SIGLEC1: variants seen among roughly 807,000 people sequenced by gnomAD.
The protein encoded by SIGLEC1 is sialic acid binding Ig like lectin 1.
Under a neutral mutation model 148.0 loss-of-function variants are expected in SIGLEC1, and 132 were observed. The observed-to-expected ratio is 0.89, with a 90% CI of 0.77 to 1.03. The LOEUF (loss-of-function observed/expected upper bound fraction) is 1.03, where lower values mean the gene tolerates loss of function less well. Among genes scored for constraint, SIGLEC1 ranks in the 50% least tolerant of loss-of-function variants. The pLI is 0.00. For synonymous variants in SIGLEC1, 945 were observed against 969.0 expected, an observed-to-expected ratio of 0.98 and a Z score of 0.46; for missense variants, 2,253 against 2,271.4, an observed-to-expected ratio of 0.99 and a Z score of 0.16.
chr20:3,696,836 G>A lies in SIGLEC1; in HGVS notation c.2433C>T (p.His811=), dbSNP rs1308121917. The A allele has an allele frequency of 1.3e-6, 2 of 1,593,654 alleles. No homozygotes were observed. The highest frequency in any genetic ancestry group is 2.7e-5 in the African/African-American group (2 of 74,466). The change falls in exon 11 of 22, where the codon CAC becomes CAT. Residue 811 remains histidine (H), a synonymous_variant. Coordinates refer to ENST00000344754, the MANE Select transcript of SIGLEC1 (RefSeq NM_023068.4). ...LSALLDMGQG[H]MALFICTVDS... is the part of the protein sequence containing the mutation. ...CCACAGTGCAGATGAACAGAGCCAT[G>A]TGGCCCTGGCCCATGTCTAGGAGGG...
chr20:3,710,103 C>T lies in SIGLEC1; in HGVS notation c.-110+2367G>A, dbSNP rs762716901. On this transcript the variant is annotated intron_variant, in intron 1 of 21. Transcript: ENST00000344754. The surrounding 1 kb of genome is among the most constrained non-coding windows in gnomAD (Gnocchi z 4.6). ...CCATGTTGCCAACTTTGCAATCCTC[C>T]CTGGTCCTAAATGCTGACTTGGCCA... Among the ~76,000 whole-genome samples, 3 of 152,192 alleles carry T rather than the reference C, an allele frequency of 2.0e-5. No individual in the cohort carries two copies. The highest frequency in any genetic ancestry group is 4.8e-5 in the African/African-American group (2 of 41,438).
Position 3,692,932 on chromosome 20 carries a change from C to G in SIGLEC1, c.3708G>C (p.Glu1236Asp). The change falls in exon 15 of 22, where the codon GAG becomes GAC. Residue 1236 changes from glutamate (E) to aspartate (D), a missense_variant. Transcript: ENST00000344754. ...TGCGGGCAGAGCAGCTGTAGAAACC[C>G]TCATCCCTGGGCTGTGGCCCTCGCA... ...LELRGPQPRD[E>D]GFYSCSARSP... 6.2e-7 allele frequency: 1 copy of G among 1,612,640 alleles called. No homozygotes were observed. Among genetic ancestry groups the G allele is most frequent in the Non-Finnish European group, 8.5e-7 (1 of 1,179,928 alleles).
rs376122199 is a variant in SIGLEC1, at chr20:3,706,503, C to T, written c.253G>A (p.Gly85Ser). 31 of 1,613,552 alleles carry T rather than the reference C, an allele frequency of 1.9e-5. No individual in the cohort carries two copies. The highest frequency in any genetic ancestry group is 5.0e-5 in the Admixed American group (3 of 60,026). ...DPKLVEARFR[G>S]RTEFMGNPEH... ...GGGTTCCCCATGAACTCGGTGCGGC[C>T]GCGGAAGCGGGCCTCCACCAGCTTG... is the stretch of plus-strand genomic sequence containing the variant. Residue 85 changes from glycine to serine, a missense_variant, in exon 3 of 22, where the codon GGC becomes AGC. By Grantham distance (56) the Gly-to-Ser change is moderately conservative. Transcript: ENST00000344754.
Position 3,703,427 on chromosome 20 carries a change from G to A in SIGLEC1, c.998C>T (p.Ala333Val). Residue 333 changes from alanine (A) to valine (V), a missense_variant, in exon 6 of 22, where the codon GCA (alanine) becomes GTA (valine). Coordinates refer to ENST00000344754, the MANE Select transcript of SIGLEC1 (RefSeq NM_023068.4). The stretch of plus-strand genomic sequence containing the variant: ...TGTCTGGTTCTCCAGGATGGGACCT[G>A]CTGGGCTCACCTGGACCTCAGCCAC... ...IFMAEVQVSP[A>V]GPILENQTVT... The A allele has an allele frequency of 6.3e-7, 1 of 1,582,992 alleles. No homozygotes were observed. Among genetic ancestry groups the A allele is most frequent in the African/African-American group, 1.3e-5 (1 of 74,744 alleles).
Position 3,688,218 on chromosome 20 carries a change from A to G in SIGLEC1, c.*342T>C. The G allele has an allele frequency of 2.8e-6, 1 of 360,260 alleles. No homozygotes were observed. Among genetic ancestry groups the G allele is most frequent in the South Asian group, 2.3e-5 (1 of 43,650 alleles). The allele number at this position is 360,260 out of a possible 1,614,324, so 22.3% of individuals were successfully genotyped here. A position where few individuals can be genotyped will look rare whatever the true frequency, so the allele number is the denominator to read the frequency against. ...GCCTCTGAGGATGCAGGATGCTGCA[A>G]TCCAACCAAAGTCCAGGGTGACTTT... On this transcript the variant is annotated 3_prime_UTR_variant, in exon 22 of 22. Coordinates refer to ENST00000344754, the MANE Select transcript of SIGLEC1 (RefSeq NM_023068.4).
Position 3,696,795 on chromosome 20 carries a change from G to T in SIGLEC1, c.2474C>A (p.Ala825Asp), listed in dbSNP as rs201617926. ...CTCCCCATGGAACAAGGCCAGCAAGGCCAGGGGGCGGCTGTCCACAGTGCA... is the reference window on the plus strand; with the variant it reads ...CTCCCCATGGAACAAGGCCAGCAAGTCCAGGGGGCGGCTGTCCACAGTGCA... ...FICTVDSRPL[A>D]LLALFHGEHL... Residue 825 changes from alanine to aspartate, a missense_variant, in exon 11 of 22, where the codon GCC (alanine) becomes GAC (aspartate). By Grantham distance (126) the Ala-to-Asp change is moderately radical. Transcript: ENST00000344754. 3.8e-5 allele frequency: 61 copies of T among 1,612,126 alleles called. No homozygotes were observed. The highest frequency in any genetic ancestry group is 5.1e-5 in the Non-Finnish European group (60 of 1,179,346).
At chr20:3,706,201 C>A (rs2087892531) in intron 3 of SIGLEC1, 146 bp downstream of exon 3, 2 of 1,328,124 alleles carry the variant, frequency 1.5e-6, no homozygotes, top group Non-Finnish European at 2.0e-6. Flanking sequence ...AAGGGAGAAC[C>A]AGGCCTGGGC....
At position 3,690,270 on chromosome 20, in the gene SIGLEC1, G is replaced by A. The variant is rs1600278649; in HGVS notation, c.4592-6C>T. 3.9e-6 allele frequency: 6 copies of A among 1,534,282 alleles called. No homozygotes were observed. Among genetic ancestry groups the A allele is most frequent in the Non-Finnish European group, 5.3e-6 (6 of 1,138,482 alleles). Reference sequence around the variant, plus strand: ...GGTGGGCGTCTTGGGAGGGTCTGTGGGGAGGAAGGGAGTGTGGTGATTGCA... The same window carrying A: ...GGTGGGCGTCTTGGGAGGGTCTGTGAGGAGGAAGGGAGTGTGGTGATTGCA... On this transcript the variant is annotated splice_region_variant and splice_polypyrimidine_tract_variant and intron_variant, in intron 18 of 21. Coordinates refer to ENST00000344754, the MANE Select transcript of SIGLEC1 (RefSeq NM_023068.4).
chr20:3,693,027 G>A lies in SIGLEC1; in HGVS notation c.3613C>T (p.Leu1205Phe), dbSNP rs1189542754. ...VDSRPPAQLA[L>F]SHAGRLLASS... Reference sequence around the variant, plus strand: ...GCCAAGAGGCGACCGGCGTGGCTGAGGGCCAGCTGGGCGGGCGGGCGGCTG... The same window carrying A: ...GCCAAGAGGCGACCGGCGTGGCTGAAGGCCAGCTGGGCGGGCGGGCGGCTG... The change falls in exon 15 of 22, where the codon CTC becomes TTC. Residue 1205 changes from leucine to phenylalanine, a missense_variant. By Grantham distance (22) the Leu-to-Phe change is conservative. Transcript: ENST00000344754. 3 of 1,611,318 alleles carry A rather than the reference G, an allele frequency of 1.9e-6. No homozygotes were observed. The highest frequency in any genetic ancestry group is 1.7e-5 in the Admixed American group (1 of 59,972).
chr20:3,712,193 AGGGGCT>A (rs1316063434), intron 1 of SIGLEC1, among the ~76,000 whole-genome samples: 3 of 129,974 alleles, frequency 2.3e-5, no homozygotes, highest in Non-Finnish European at 4.8e-5. Flanking sequence ...AGGTTGGAAT[AGGGGCT>A]GGGGCTGGGG....
At position 3,688,456 on chromosome 20, in the gene SIGLEC1, C is replaced by T. The variant is rs545768127; in HGVS notation, c.*104G>A. On this transcript the variant is annotated 3_prime_UTR_variant, in exon 22 of 22. Coordinates refer to ENST00000344754, the MANE Select transcript of SIGLEC1 (RefSeq NM_023068.4). ...AAGTCAGATGTCACAGAGCTGTTTT[C>T]GTAGAGGCGGGCAGGACTCAACACT... 155 of 994,294 alleles carry T rather than the reference C, an allele frequency of 1.6e-4. No homozygotes were observed. In the African/African-American group the frequency reaches 2.0e-3, roughly 13 times the overall value. 61.6% of individuals were successfully genotyped at this position (994,294 alleles called of 1,614,324 possible). A position where few individuals can be genotyped will look rare whatever the true frequency, so the allele number is the denominator to read the frequency against.
intron 1 of SIGLEC1, among the ~76,000 whole-genome samples, chr20:3,711,941 G>C (rs1268512312): frequency 6.6e-6 from 1 of 150,520 alleles, no homozygotes; most frequent in South Asian, 2.1e-4. Flanking sequence ...TGATGATCAG[G>C]TTGGAATTCT....
At chr20:3,688,748 C>A (rs1306195820) in intron 21 of SIGLEC1, 129 bp from the exon 22 acceptor site, 4 of 676,704 alleles carry the variant, frequency 5.9e-6, no homozygotes, top group Non-Finnish European at 1.0e-5. Context: ...TGACTTGGAG[C>A]CCTGGCCTAC....
At chr20:3,689,786 C>T (rs1160473782) in intron 19 of SIGLEC1, 84 bp from the exon 20 acceptor site, 2 of 1,334,362 alleles carry the variant, frequency 1.5e-6, no homozygotes, top group East Asian at 2.5e-5. Flanking sequence ...AAGATGACAC[C>T]TTCTAACTTT....
In SIGLEC1 at chr20:3,691,522, C is replaced by A. The variant is rs377478853; in HGVS notation, c.4409G>T (p.Gly1470Val). 1.2e-6 allele frequency: 2 copies of A among 1,613,258 alleles called. No individual in the cohort carries two copies. Among genetic ancestry groups the A allele is most frequent in the Non-Finnish European group, 1.7e-6 (2 of 1,180,014 alleles). Reference protein sequence around the residue: ...ALNLSCRLLGGPGPVGNSTFA... With the variant: ...ALNLSCRLLGVPGPVGNSTFA... ...GGTGGAGTTGCCCACAGGCCCAGGG[C>A]CACCCAGGAGGCGGCAGCTGAGGTT... The change falls in exon 18 of 22, where the codon GGC becomes GTC. Residue 1470 changes from glycine to valine, a missense_variant. Physicochemically the swap from Gly to Val is moderately radical, Grantham distance 109 (BLOSUM62 -3). Coordinates refer to ENST00000344754, the MANE Select transcript of SIGLEC1 (RefSeq NM_023068.4).
intron 9 of SIGLEC1, 74 bp downstream of exon 9, chr20:3,697,724 A>G: frequency 7.0e-7 from 1 of 1,422,904 alleles, no homozygotes; most frequent in Non-Finnish European, 9.7e-7. Context: ...TTGCCTGATT[A>G]GATCCTCCTC....
rs146149346 is a variant in SIGLEC1, at chr20:3,697,178, G to A, written c.2287C>T (p.Pro763Ser). 1 of 1,613,880 alleles carries A rather than the reference G, an allele frequency of 6.2e-7. No homozygotes were observed. The highest frequency in any genetic ancestry group is 1.7e-5 in the Admixed American group (1 of 60,028). Residue 763 changes from proline (P) to serine (S), a missense_variant, in exon 10 of 22, where the codon CCC becomes TCC. Transcript: ENST00000344754. ...QGPLETVTLL[P>S]VARTDAALYA... ...AGGGCAGCATCAGTTCTGGCCACGG[G>A]CAGCAGTGTCACGGTCTCCAGGGGA...
In SIGLEC1 at chr20:3,699,409, C is replaced by G. The variant is rs2087831887; in HGVS notation, c.1579G>C (p.Val527Leu). The G allele has an allele frequency of 1.2e-6, 2 of 1,609,916 alleles. No homozygotes were observed. The highest frequency in any genetic ancestry group is 2.7e-5 in the African/African-American group (2 of 74,904). The part of the protein sequence containing the change: ...PAAEVVEGQA[V>L]TLSCRSGLSP... ...AGGCCGCTTCTGCAGCTCAGTGTCA[C>G]TGCCTGTCCTTCCACCACCTCGGCT... The change falls in exon 8 of 22, where the codon GTG (valine) becomes CTG (leucine). Residue 527 changes from valine (V) to leucine (L), a missense_variant. Physicochemically the swap from Val to Leu is conservative, Grantham distance 32 (BLOSUM62 1). Transcript: ENST00000344754.
chr20:3,705,243 C>T (rs533300006), intron 4 of SIGLEC1, among the ~76,000 whole-genome samples: 18 of 152,234 alleles, frequency 1.2e-4, no homozygotes, highest in South Asian at 4.2e-4. Flanking sequence ...GTGATCCACC[C>T]GCCTCAGCCT....
Sources: allele counts gnomAD v4.1 joint callset (sites outside exome capture counted in the v4.1 genomes callset), GRCh38; gene constraint gnomAD v4.1.1; non-coding constraint Gnocchi (gnomAD v3.1); transcripts MANE v1.5; gene names NCBI Gene and HGNC (gene_info 2026-07-23, HGNC 2026-07-21).